Variants in CNTN3 observed in about 807,000 individuals in gnomAD.
CNTN3 encodes contactin 3.
A neutral mutation model predicts 119.1 loss-of-function variants in CNTN3; 60 were observed. The ratio of observed to expected loss-of-function variants is 0.50; its 90% CI spans 0.41 to 0.62. The LOEUF (loss-of-function observed/expected upper bound fraction) is 0.62. Ranked by LOEUF, CNTN3 falls within the 20% of genes least tolerant of loss-of-function variation. CNTN3 has a pLI of 0.00. For missense variants in CNTN3, 1,101 were observed against 1,242.4 expected (o/e 0.89, Z 1.71); for synonymous variants, 450 against 438.7 (o/e 1.03, Z -0.32).
chr3:74,518,444 T>A (rs1177950950), intron 2 of CNTN3, among the ~76,000 whole-genome samples: 5 of 151,932 alleles, frequency 3.3e-5, no homozygotes, highest in Non-Finnish European at 7.4e-5. Context: ...CCAGTATCAA[T>A]GCTATCAAAT....
chr3:74,336,523 G>T lies in CNTN3; in HGVS notation c.1492+8C>A. 2 of 1,610,140 alleles carry T rather than the reference G, an allele frequency of 1.2e-6. No homozygotes were observed. Among genetic ancestry groups the T allele is most frequent in the South Asian group, 1.1e-5 (1 of 90,544 alleles). On this transcript the variant is annotated splice_region_variant and intron_variant, in intron 12 of 22. Coordinates refer to ENST00000263665, the MANE Select transcript of CNTN3 (RefSeq NM_020872.3). ...GTATGTAAAGCAATATTTTAGAAAT[G>T]GACCTACCCGTAACAACCAAATGTG...
At chr3:74,320,553 G>A (rs1482940322) in intron 13 of CNTN3, among the ~76,000 whole-genome samples, 2 of 152,114 alleles carry the variant, frequency 1.3e-5, no homozygotes, top group African/African-American at 4.8e-5. Context: ...AGCATTAGGA[G>A]ATATACCTAA....
intron 4 of CNTN3, among the ~76,000 whole-genome samples, chr3:74,433,421 A>G (rs886105026): frequency 7.9e-5 from 12 of 152,150 alleles, no homozygotes; most frequent in African/African-American, 2.9e-4. Flanking sequence ...ACAGGTGTGC[A>G]TTGTAAGTCT....
chr3:74,607,322 A>G (rs1705009509), intron 1 of CNTN3, among the ~76,000 whole-genome samples: 1 of 152,220 alleles, frequency 6.6e-6, no homozygotes, highest in African/African-American at 2.4e-5. Flanking sequence ...CAGGCATCAG[A>G]TTAGATCACT....
intron 1 of CNTN3, among the ~76,000 whole-genome samples, chr3:74,526,677 A>G (rs1307031819): frequency 6.6e-6 from 1 of 151,832 alleles, no homozygotes; most frequent in African/African-American, 2.4e-5. Context: ...GAAGGATATC[A>G]TGTGCCCAGT....
chr3:74,407,100 T>A (rs1478265015), intron 5 of CNTN3, among the ~76,000 whole-genome samples: 1 of 152,158 alleles, frequency 6.6e-6, no homozygotes, highest in Non-Finnish European at 1.5e-5. Flanking sequence ...GGATGTTGGA[T>A]GTTAAGTTTT....
intron 4 of CNTN3, among the ~76,000 whole-genome samples, chr3:74,448,394 A>C (rs896207700): frequency 2.6e-5 from 4 of 152,198 alleles, no homozygotes; most frequent in Non-Finnish European, 5.9e-5. Context: ...AGAGACTATG[A>C]TGATGTAAAC....
intron 1 of CNTN3, among the ~76,000 whole-genome samples, chr3:74,538,857 T>C (rs1703801156): frequency 6.6e-6 from 1 of 152,066 alleles, no homozygotes; most frequent in Admixed American, 6.6e-5. Flanking sequence ...TTGCATTCAC[T>C]AGATTCCAGG....
chr3:74,590,868 C>T (rs1026116190), intron 1 of CNTN3, among the ~76,000 whole-genome samples: 1 of 152,002 alleles, frequency 6.6e-6, no homozygotes, highest in Non-Finnish European at 1.5e-5. Context: ...ACCCAGTCAA[C>T]AACTTGACTC....
intron 1 of CNTN3, among the ~76,000 whole-genome samples, chr3:74,537,567 G>A (rs1237431947): frequency 6.6e-6 from 1 of 152,098 alleles, no homozygotes; most frequent in Non-Finnish European, 1.5e-5. Flanking sequence ...CTCGGTTGTT[G>A]TTTAACCATT....
At chr3:74,317,487 T>G (rs1389761757) in intron 13 of CNTN3, among the ~76,000 whole-genome samples, 1 of 152,202 alleles carries the variant, frequency 6.6e-6, no homozygotes, top group Non-Finnish European at 1.5e-5. Context: ...AGTTGTTCCT[T>G]TCCATGTTTA....
intron 13 of CNTN3, among the ~76,000 whole-genome samples, chr3:74,322,106 A>C (rs1475639248): frequency 6.6e-6 from 1 of 151,082 alleles, no homozygotes; most frequent in Non-Finnish European, 1.5e-5. Context: ...GAATTGCTTG[A>C]ACCCAGGAGG....
chr3:74,293,627 A>G (rs1010137334), intron 19 of CNTN3, among the ~76,000 whole-genome samples: 9 of 152,074 alleles, frequency 5.9e-5, no homozygotes, highest in African/African-American at 1.7e-4. Flanking sequence ...GGCATGTGTC[A>G]CCATGCCTGG....
At chr3:74,346,556 T>A (rs1703692912) in intron 11 of CNTN3, among the ~76,000 whole-genome samples, 4 of 152,014 alleles carry the variant, frequency 2.6e-5, no homozygotes, top group Admixed American at 2.6e-4. Flanking sequence ...TTGTTTGGAG[T>A]GAGGCAGTGA....
chr3:74,602,295 C>CAAAAAAAA (rs1167052275), intron 1 of CNTN3, among the ~76,000 whole-genome samples: 7 of 19,680 alleles, frequency 3.6e-4, no homozygotes, highest in Non-Finnish European at 7.3e-4. Context: ...GACCTGGTCT[C>CAAAAAAAA]AAAAAAAAAA....
chr3:74,505,113 TG>T (rs1398714119), intron 2 of CNTN3, among the ~76,000 whole-genome samples: 1 of 152,054 alleles, frequency 6.6e-6, no homozygotes, highest in East Asian at 1.9e-4. Context: ...TTTTTTCATA[TG>T]GGCACCAGTC....
chr3:74,526,192 G>A (rs1466763585), intron 1 of CNTN3, among the ~76,000 whole-genome samples: 6 of 142,920 alleles, frequency 4.2e-5, no homozygotes, highest in African/African-American at 7.6e-5. Flanking sequence ...TTATATTTAT[G>A]AATATATATT....
chr3:74,349,303 A>G (rs574403456), intron 11 of CNTN3, among the ~76,000 whole-genome samples: 1 of 152,160 alleles, frequency 6.6e-6, no homozygotes, highest in Non-Finnish European at 1.5e-5. Flanking sequence ...ACTGTGTTAA[A>G]TGATACTACT....
chr3:74,354,552 G>T (rs1231167951), intron 11 of CNTN3, among the ~76,000 whole-genome samples: 1 of 151,954 alleles, frequency 6.6e-6, no homozygotes, highest in Admixed American at 6.5e-5. Context: ...TTAAGTGAAT[G>T]AATGAATGAA....
Sources: gnomAD v4.1 joint callset for allele counts (sites outside exome capture counted in the v4.1 genomes callset) on GRCh38, gnomAD v4.1.1 for gene constraint, MANE v1.5 for transcripts, NCBI Gene and HGNC (gene_info 2026-07-23, HGNC 2026-07-21) for gene names.